Variants in STAC observed in about 807,000 individuals in gnomAD.
STAC encodes SH3 and cysteine-rich domain-containing protein.
Under a neutral mutation model 48.8 loss-of-function variants are expected in STAC, and 43 were observed. That is an observed-to-expected ratio of 0.88 (90% CI 0.69 to 1.14). STAC has a LOEUF of 1.14. STAC is among the 50% of genes most tolerant of loss of function. STAC has a pLI of 0.00. For synonymous variants in STAC, 193 were observed against 179.5 expected, an observed-to-expected ratio of 1.07 and a Z score of -0.60; for missense variants, 497 against 504.0, an observed-to-expected ratio of 0.99 and a Z score of 0.13.
chr3:36,385,081 T>C (rs1332258989), intron 1 of STAC, among the ~76,000 whole-genome samples: 1 of 152,206 alleles, frequency 6.6e-6, no homozygotes, highest in Non-Finnish European at 1.5e-5. Flanking sequence ...TTGAAATCTC[T>C]GAGAGAGATC....
chr3:36,446,552 T>A (rs115046238), intron 2 of STAC, among the ~76,000 whole-genome samples: 2,214 of 152,324 alleles, frequency 0.015, 52 homozygotes, highest in African/African-American at 0.051. Context: ...CTATCTTACA[T>A]TGAATTAACT....
intron 4 of STAC, chr3:36,485,895 C>G: frequency 2.8e-6 from 1 of 358,198 alleles, no homozygotes; most frequent in East Asian, 4.9e-5. Context: ...GAAATTCAAT[C>G]AGGAAGAATT....
chr3:36,516,015 C>G (rs1196031172), intron 8 of STAC, among the ~76,000 whole-genome samples: 2 of 107,948 alleles, frequency 1.9e-5, no homozygotes, highest in African/African-American at 7.1e-5. Flanking sequence ...CAGAGTTTCA[C>G]TCATGTTGCC....
At chr3:36,488,966 G>T (rs1697891999) in intron 5 of STAC, among the ~76,000 whole-genome samples, 1 of 151,990 alleles carries the variant, frequency 6.6e-6, no homozygotes, top group South Asian at 2.1e-4. Flanking sequence ...ACTTTCCCCT[G>T]AACTCCCCAA....
intron 1 of STAC, among the ~76,000 whole-genome samples, chr3:36,411,742 A>G (rs1418044430): frequency 1.3e-5 from 2 of 152,188 alleles, no homozygotes; most frequent in Admixed American, 6.5e-5. Context: ...AAGGCAGCAC[A>G]TATGTCCTGT....
At chr3:36,440,710 G>A (rs951238154) in intron 1 of STAC, among the ~76,000 whole-genome samples, 3 of 152,202 alleles carry the variant, frequency 2.0e-5, no homozygotes, top group African/African-American at 4.8e-5. Context: ...CCTGGATAAG[G>A]GAAAGGGGAG....
chr3:36,472,291 G>A (rs997909712), intron 2 of STAC, among the ~76,000 whole-genome samples: 1 of 152,202 alleles, frequency 6.6e-6, no homozygotes, highest in South Asian at 2.1e-4. Context: ...CCCTGGGCCC[G>A]GCCCACGAAA....
At chr3:36,533,351 T>C (rs1158806520) in intron 10 of STAC, among the ~76,000 whole-genome samples, 1 of 152,106 alleles carries the variant, frequency 6.6e-6, no homozygotes, top group African/African-American at 2.4e-5. Context: ...CACTTCAACC[T>C]TCCCCAAGTT....
At chr3:36,453,717 C>T (rs1696762516) in intron 2 of STAC, among the ~76,000 whole-genome samples, 1 of 112,238 alleles carries the variant, frequency 8.9e-6, no homozygotes, top group Non-Finnish European at 2.1e-5. Flanking sequence ...CAGGCAGCTC[C>T]ACCTGCAGCC....
intron 2 of STAC, among the ~76,000 whole-genome samples, chr3:36,466,963 A>T (rs745337352): frequency 6.6e-6 from 1 of 151,638 alleles, no homozygotes; most frequent in Non-Finnish European, 1.5e-5. Context: ...CCCTTGTTCA[A>T]TATAAATGTG....
At chr3:36,393,682 C>T (rs563188265) in intron 1 of STAC, among the ~76,000 whole-genome samples, 1 of 149,298 alleles carries the variant, frequency 6.7e-6, no homozygotes, top group African/African-American at 2.5e-5. Context: ...CTTCTCTCTG[C>T]TCTCCCTCAT....
intron 1 of STAC, among the ~76,000 whole-genome samples, chr3:36,388,467 G>T (rs1373805421): frequency 1.3e-5 from 2 of 151,732 alleles, no homozygotes. Flanking sequence ...TTTCAATGTA[G>T]AAGTTTCCTT....
chr3:36,424,976 C>T (rs1238820661), intron 1 of STAC, among the ~76,000 whole-genome samples: 1 of 151,896 alleles, frequency 6.6e-6, no homozygotes, highest in Non-Finnish European at 1.5e-5. Flanking sequence ...ATTAGGCAGA[C>T]AGCAGGTAAT....
intron 5 of STAC, among the ~76,000 whole-genome samples, chr3:36,486,864 A>G (rs1697829988): frequency 6.6e-6 from 1 of 152,186 alleles, no homozygotes; most frequent in Non-Finnish European, 1.5e-5. Context: ...TTCAATCAGA[A>G]TTTCTATAAA....
intron 1 of STAC, chr3:36,409,630 C>G (rs1266144803): frequency 6.6e-6 from 1 of 152,162 alleles, no homozygotes; most frequent in Non-Finnish European, 1.5e-5. Context: ...TGCACAGTGA[C>G]ACTGACTTGA....
intron 6 of STAC, among the ~76,000 whole-genome samples, chr3:36,494,082 G>A (rs1428350002): frequency 6.7e-6 from 1 of 149,664 alleles, no homozygotes; most frequent in Non-Finnish European, 1.5e-5. Flanking sequence ...AACCCTGGAG[G>A]CGGAGCTTGC....
chr3:36,405,672 A>T (rs1362999862), intron 1 of STAC, among the ~76,000 whole-genome samples: 1 of 152,156 alleles, frequency 6.6e-6, no homozygotes, highest in Non-Finnish European at 1.5e-5. Context: ...GAACTACTGA[A>T]TCCATCATGT....
chr3:36,437,849 G>A (rs1288745510), intron 1 of STAC, among the ~76,000 whole-genome samples: 1 of 150,502 alleles, frequency 6.6e-6, no homozygotes, highest in African/African-American at 2.4e-5. Flanking sequence ...TTAAAAGGAA[G>A]GTTTTAATCC....
intron 10 of STAC, among the ~76,000 whole-genome samples, chr3:36,535,196 G>A (rs1699170132): frequency 1.3e-5 from 2 of 152,088 alleles, no homozygotes; most frequent in Non-Finnish European, 2.9e-5. Flanking sequence ...CACTCGCCTT[G>A]TTAGCTGTAT....
Sources: gnomAD v4.1 joint callset for allele counts (sites outside exome capture counted in the v4.1 genomes callset) on GRCh38, gnomAD v4.1.1 for gene constraint, MANE v1.5 for transcripts, NCBI Gene and HGNC (gene_info 2026-07-23, HGNC 2026-07-21) for gene names.